The following RUFY1 variants were observed in gnomAD, a reference collection of about 807,000 sequenced individuals.
The protein encoded by RUFY1 is RUN and FYVE domain-containing protein 1.
Under a neutral mutation model 94.6 loss-of-function variants are expected in RUFY1, and 54 were observed. That is an observed-to-expected ratio of 0.57 (90% CI 0.46 to 0.72). RUFY1 has a LOEUF of 0.72. RUFY1 is among the 30% of genes least tolerant of loss of function. The probability of loss-of-function intolerance (pLI) is 0.00; values close to 1 mark genes in which losing one functional copy is unlikely to be tolerated. For missense variants in RUFY1, 883 were observed against 883.9 expected (o/e 1.00, Z 0.01); for synonymous variants, 396 against 347.3 (o/e 1.14, Z -1.56).
At position 179,598,653 on chromosome 5, in the gene RUFY1, T is replaced by A. The variant is rs763888558; in HGVS notation, c.1632-39T>A. On this transcript the variant is annotated intron_variant, in intron 13 of 17. Transcript: ENST00000319449. Reference sequence around the variant, plus strand: ...GGGTTGTGAATCTTCCGTGAAAGTCTCCCACTGAGACTAACTCAAGTTCAT... The same window carrying A: ...GGGTTGTGAATCTTCCGTGAAAGTCACCCACTGAGACTAACTCAAGTTCAT... The A allele has an allele frequency of 3.0e-5, 48 of 1,612,342 alleles. No homozygotes were observed. In the East Asian group the frequency reaches 1.0e-3, roughly 35 times the overall value.
intron 5 of RUFY1, among the ~76,000 whole-genome samples, chr5:179,575,736 T>C (rs2127532439): frequency 6.6e-6 from 1 of 152,228 alleles, no homozygotes; most frequent in South Asian, 2.1e-4. Flanking sequence ...TATAATGAGA[T>C]TGTACATATG....
At chr5:179,607,548 G>A in intron 16 of RUFY1, 34 bp from the exon 17 acceptor site, 1 of 1,601,492 alleles carries the variant, frequency 6.2e-7, no homozygotes, top group Non-Finnish European at 8.6e-7. Context: ...GGCTTAGACA[G>A]AAAGTGGATT....
At chr5:179,604,431 A>C (rs914423413) in intron 15 of RUFY1, among the ~76,000 whole-genome samples, 2 of 152,138 alleles carry the variant, frequency 1.3e-5, no homozygotes, top group Non-Finnish European at 2.9e-5. Flanking sequence ...CTGGCTTCCC[A>C]AGGTCTGTCC....
intron 8 of RUFY1, among the ~76,000 whole-genome samples, chr5:179,589,037 T>C (rs1764830959): frequency 1.3e-5 from 2 of 152,158 alleles, no homozygotes; most frequent in Non-Finnish European, 1.5e-5. Flanking sequence ...AGCCACTCCA[T>C]CTTTTCTTAA....
intron 1 of RUFY1, among the ~76,000 whole-genome samples, chr5:179,556,087 G>T (rs999186865): frequency 9.9e-5 from 15 of 152,070 alleles, no homozygotes; most frequent in African/African-American, 3.6e-4. Context: ...TGTAAATATT[G>T]ACTTTTTAAA....
At chr5:179,571,154 G>A (rs149681166) in intron 5 of RUFY1, among the ~76,000 whole-genome samples, 18 of 152,138 alleles carry the variant, frequency 1.2e-4, no homozygotes, top group Admixed American at 7.9e-4. Flanking sequence ...ATTTTTTAAC[G>A]TACAATTATG....
intron 16 of RUFY1, chr5:179,606,800 C>T (rs371604420): frequency 3.9e-5 from 6 of 152,268 alleles, no homozygotes; most frequent in African/African-American, 1.4e-4. Flanking sequence ...CTGGCAGCCC[C>T]AAGGGTATAT....
At chr5:179,577,002 T>C in intron 5 of RUFY1, 73 bp from the exon 6 acceptor site, 1 of 1,023,548 alleles carries the variant, frequency 9.8e-7, no homozygotes, top group African/African-American at 1.6e-5. Context: ...ATGAAATACC[T>C]GAATTTCAAA....
chr5:179,580,669 G>C (rs189154767), intron 6 of RUFY1, among the ~76,000 whole-genome samples: 9 of 151,996 alleles, frequency 5.9e-5, no homozygotes, highest in Admixed American at 3.3e-4. Flanking sequence ...CCATTTGCGT[G>C]TGGCAAGTTG....
intron 12 of RUFY1, among the ~76,000 whole-genome samples, chr5:179,595,497 C>A (rs1765542513): frequency 6.6e-6 from 1 of 151,906 alleles, no homozygotes; most frequent in African/African-American, 2.4e-5. Context: ...ACAATCCCAC[C>A]ACACATCTGT....
At position 179,550,752 on chromosome 5, in the gene RUFY1, C is replaced by T. The variant is rs951254705; in HGVS notation, c.183C>T (p.Gly61=). 1.4e-6 allele frequency: 2 copies of T among 1,446,108 alleles called. No individual in the cohort carries two copies. The highest frequency in any genetic ancestry group is 1.5e-5 in the African/African-American group (1 of 67,640). The allele number at this position is 1,446,108 out of a possible 1,614,324, so 89.6% of individuals were successfully genotyped here. A position where few individuals can be genotyped will look rare whatever the true frequency, so the allele number is the denominator to read the frequency against. The part of the protein sequence containing the change: ...RSATRPRAAE[G]WSAPILTLAR... ...CAACGAGGCCGCGGGCGGCCGAGGG[C>T]TGGTCGGCGCCCATCCTGACCCTGG... Residue 61 remains glycine, a synonymous_variant, in exon 1 of 18, where the codon GGC becomes GGT. Transcript: ENST00000319449.
At chr5:179,555,388 G>A (rs1414482464) in intron 1 of RUFY1, among the ~76,000 whole-genome samples, 1 of 152,098 alleles carries the variant, frequency 6.6e-6, no homozygotes, top group Non-Finnish European at 1.5e-5. Context: ...TTTGGCCAAG[G>A]TCACAAAGCC....
chr5:179,593,307 G>C (rs1385592211), intron 10 of RUFY1, among the ~76,000 whole-genome samples, 171 bp from the exon 11 acceptor site: 1 of 151,794 alleles, frequency 6.6e-6, no homozygotes, highest in Non-Finnish European at 1.5e-5. Context: ...CGAACTCCTG[G>C]CCTCAAGTGA....
At chr5:179,564,476 G>C (rs1370992947) in intron 3 of RUFY1, among the ~76,000 whole-genome samples, 1 of 145,550 alleles carries the variant, frequency 6.9e-6, no homozygotes, top group Non-Finnish European at 1.5e-5. Context: ...CTGGAGTGCA[G>C]TGGTGGTGCA....
chr5:179,551,075 G>T (rs1225166968), intron 1 of RUFY1, among the ~76,000 whole-genome samples, 196 bp downstream of exon 1: 1 of 143,700 alleles, frequency 7.0e-6, no homozygotes, highest in African/African-American at 2.5e-5. Context: ...CCGCAGCCCC[G>T]CGTGCCTGAG....
intron 2 of RUFY1, among the ~76,000 whole-genome samples, chr5:179,561,237 T>A (rs548327570): frequency 0.012 from 1,762 of 151,776 alleles, 22 homozygotes; most frequent in African/African-American, 0.023. Context: ...ATAAATTAAT[T>A]AATTAATTAA....
intron 2 of RUFY1, among the ~76,000 whole-genome samples, chr5:179,561,810 G>A (rs1762483894): frequency 6.8e-6 from 1 of 146,250 alleles, no homozygotes; most frequent in Admixed American, 7.0e-5. Flanking sequence ...AGCCTCCCGA[G>A]TAGCTGGGAC....
intron 15 of RUFY1, 46 bp from the exon 16 acceptor site, chr5:179,605,830 C>T (rs1767016617): frequency 2.8e-6 from 3 of 1,060,676 alleles, no homozygotes; most frequent in African/African-American, 3.1e-5. Flanking sequence ...GATTCAGAGC[C>T]TCACTCTCTC....
chr5:179,560,536 G>A (rs58297257), intron 2 of RUFY1, among the ~76,000 whole-genome samples: 5,860 of 149,994 alleles, frequency 0.039, 387 homozygotes, highest in African/African-American at 0.13. Flanking sequence ...TGGCTAACAC[G>A]GTGAAACCCG....
Sources: allele counts gnomAD v4.1 joint callset (sites outside exome capture counted in the v4.1 genomes callset), GRCh38; gene constraint gnomAD v4.1.1; transcripts MANE v1.5; gene names NCBI Gene and HGNC (gene_info 2026-07-23, HGNC 2026-07-21).